ZBTB20: variants seen among roughly 807,000 people sequenced by gnomAD.
The protein encoded by ZBTB20 is zinc finger and BTB domain-containing protein 20.
Under a neutral mutation model 56.9 loss-of-function variants are expected in ZBTB20, and 9 were observed. The ratio of observed to expected loss-of-function variants is 0.16; its 90% CI spans 0.10 to 0.28. ZBTB20 has a LOEUF of 0.28. Ranked by LOEUF, ZBTB20 falls within the 10% of genes least tolerant of loss-of-function variation. The pLI, the probability that ZBTB20 is intolerant of heterozygous loss-of-function variation, is 1.00. For missense variants in ZBTB20, 655 were observed against 1,003.0 expected (o/e 0.65, Z 4.69); for synonymous variants, 417 against 420.7 (o/e 0.99, Z 0.11).
intron 7 of ZBTB20, among the ~76,000 whole-genome samples, chr3:114,413,140 A>G (rs1470934364): frequency 6.6e-6 from 1 of 152,186 alleles, no homozygotes; most frequent in African/African-American, 2.4e-5. Context: ...GAGAACGTTC[A>G]GTATTAATTA....
At chr3:115,046,477 A>G (rs1560522921) in intron 2 of ZBTB20, among the ~76,000 whole-genome samples, 1 of 152,190 alleles carries the variant, frequency 6.6e-6, no homozygotes, top group Non-Finnish European at 1.5e-5. Flanking sequence ...TCGTTGAGCC[A>G]TATGTACCAA....
chr3:114,473,720 T>C (rs1006328152), intron 7 of ZBTB20, among the ~76,000 whole-genome samples: 1 of 152,162 alleles, frequency 6.6e-6, no homozygotes, highest in Non-Finnish European at 1.5e-5. Context: ...GGCCTTTTCC[T>C]TCCCCTGCCT....
chr3:115,067,599 C>CCACAG (rs1334346344), intron 2 of ZBTB20, among the ~76,000 whole-genome samples: 1 of 151,692 alleles, frequency 6.6e-6, no homozygotes, highest in Non-Finnish European at 1.5e-5. Flanking sequence ...AGATTGTCCT[C>CCACAG]CACAGCACAT....
At chr3:114,359,460 G>C (rs958328323) in intron 10 of ZBTB20, 1 of 152,194 alleles carries the variant, frequency 6.6e-6, no homozygotes, top group East Asian at 1.9e-4. Context: ...AATGAAATGA[G>C]GGGGAGAAGA....
intron 5 of ZBTB20, among the ~76,000 whole-genome samples, chr3:114,763,512 G>A (rs1441884297): frequency 2.6e-5 from 4 of 152,058 alleles, no homozygotes; most frequent in African/African-American, 9.7e-5. Flanking sequence ...ATAGAATATA[G>A]AAATCCCCAA....
intron 2 of ZBTB20, among the ~76,000 whole-genome samples, chr3:114,987,157 G>A (rs1395497062): frequency 6.6e-6 from 1 of 152,088 alleles, no homozygotes; most frequent in East Asian, 1.9e-4. Flanking sequence ...TAGATAACAT[G>A]ATAAAGTCTG....
At chr3:115,138,788 T>C (rs1402548930) in intron 1 of ZBTB20, among the ~76,000 whole-genome samples, 1 of 152,076 alleles carries the variant, frequency 6.6e-6, no homozygotes, top group Non-Finnish European at 1.5e-5. Flanking sequence ...TTGGCTACTA[T>C]TGGTGTTGGT....
chr3:114,458,082 C>T (rs138726055), intron 7 of ZBTB20, among the ~76,000 whole-genome samples: 4 of 152,256 alleles, frequency 2.6e-5, no homozygotes, highest in Non-Finnish European at 4.4e-5. Flanking sequence ...CATGTCCCTG[C>T]ATGGTGCTGA....
At chr3:114,490,382 C>T (rs912040613) in intron 7 of ZBTB20, among the ~76,000 whole-genome samples, 2 of 151,918 alleles carry the variant, frequency 1.3e-5, no homozygotes, top group African/African-American at 2.4e-5. Context: ...CCACTATGCC[C>T]GGCTAATTTT....
At chr3:114,379,431 G>A (rs1349534207) in intron 10 of ZBTB20, among the ~76,000 whole-genome samples, 1 of 151,926 alleles carries the variant, frequency 6.6e-6, no homozygotes, top group Non-Finnish European at 1.5e-5. Context: ...GAAGTATTGG[G>A]TTACATTTCA....
intron 1 of ZBTB20, among the ~76,000 whole-genome samples, chr3:115,107,531 G>A (rs2083758027): frequency 6.6e-6 from 1 of 152,162 alleles, no homozygotes; most frequent in Admixed American, 6.5e-5. Flanking sequence ...AAAGAAATAT[G>A]AACGCTTTTA....
At chr3:114,403,794 T>C (rs1310634864) in intron 7 of ZBTB20, among the ~76,000 whole-genome samples, 1 of 152,086 alleles carries the variant, frequency 6.6e-6, no homozygotes, top group African/African-American at 2.4e-5. Context: ...AATAATTCTC[T>C]AAAATGATTA....
rs897884658 is a variant in ZBTB20, at chr3:114,899,005, C to T, written c.-417+1299G>A. 6.6e-5 allele frequency among the ~76,000 whole-genome samples: 10 copies of T among 152,068 alleles called. No individual in the cohort carries two copies. In the South Asian group the frequency reaches 8.3e-4, roughly 13 times the overall value. The stretch of plus-strand genomic sequence containing the variant: ...TAGTAAAATATACAATCTATAATAG[C>T]TTGTCTATATCAAAAATATAGATAT... On this transcript the variant is annotated intron_variant, in intron 4 of 11. Transcript: ENST00000675478.
chr3:115,010,333 G>C (rs1407246274), intron 2 of ZBTB20, among the ~76,000 whole-genome samples: 3 of 151,958 alleles, frequency 2.0e-5, no homozygotes, highest in Non-Finnish European at 4.4e-5. Context: ...CTGCTGTGCT[G>C]GCTTCAGGTC....
intron 1 of ZBTB20, among the ~76,000 whole-genome samples, chr3:115,076,477 A>G (rs1209444156): frequency 6.6e-6 from 1 of 152,202 alleles, no homozygotes; most frequent in Non-Finnish European, 1.5e-5. Context: ...TCGTCAACAA[A>G]TGGTTCTGGG....
intron 3 of ZBTB20, among the ~76,000 whole-genome samples, chr3:114,972,731 CAGAT>C (rs1159766624): frequency 6.6e-6 from 1 of 152,124 alleles, no homozygotes; most frequent in African/African-American, 2.4e-5. Context: ...TTCTCCCTCT[CAGAT>C]AATTTTAAAT....
intron 2 of ZBTB20, among the ~76,000 whole-genome samples, chr3:115,035,679 C>T (rs1014969514): frequency 6.6e-6 from 1 of 152,018 alleles, no homozygotes; most frequent in African/African-American, 2.4e-5. Flanking sequence ...ATAGAACTAC[C>T]ATATGACAGA....
rs746041369 is a variant in ZBTB20 at position 114,684,000 on chromosome 3, G to C, written c.-295+9528C>G. Reference sequence around the variant, plus strand: ...TAAAGTATGATCTGGGGAAGGTTAGGCTGCATCTTCTTTATTAAATTATAT... The same window carrying C: ...TAAAGTATGATCTGGGGAAGGTTAGCCTGCATCTTCTTTATTAAATTATAT... On this transcript the variant is annotated intron_variant, in intron 6 of 11. Coordinates refer to ENST00000675478, the MANE Select transcript of ZBTB20 (RefSeq NM_001348800.3). Among the ~76,000 whole-genome samples, 27 of 152,096 alleles carry C rather than the reference G, an allele frequency of 1.8e-4. 1 individual carries two copies. The highest frequency in any genetic ancestry group is 1.6e-3 in the Admixed American group (24 of 15,268).
At chr3:114,702,680 T>C (rs1056517275) in intron 5 of ZBTB20, among the ~76,000 whole-genome samples, 35 of 152,048 alleles carry the variant, frequency 2.3e-4, no homozygotes, top group South Asian at 6.2e-4. Context: ...TGTGTGTGTG[T>C]GTGTGTGTGT....
Sources: allele counts gnomAD v4.1 joint callset (sites outside exome capture counted in the v4.1 genomes callset), GRCh38; gene constraint gnomAD v4.1.1; transcripts MANE v1.5; gene names NCBI Gene and HGNC (gene_info 2026-07-23, HGNC 2026-07-21).